Variants in PLXDC1 observed in about 807,000 individuals in gnomAD.
PLXDC1 encodes the protein plexin domain containing 1.
A neutral mutation model predicts 61.3 loss-of-function variants in PLXDC1; 39 were observed. The observed-to-expected ratio is 0.64, with a 90% confidence interval of 0.49 to 0.83. PLXDC1 has a LOEUF of 0.83. PLXDC1 is among the 40% of genes least tolerant of loss of function. The pLI is 0.00. For missense variants in PLXDC1, 596 were observed against 666.5 expected, an observed-to-expected ratio of 0.89 and a Z score of 1.17; for synonymous variants, 212 against 254.5, an observed-to-expected ratio of 0.83 and a Z score of 1.59.
intron 2 of PLXDC1, among the ~76,000 whole-genome samples, chr17:39,128,044 GCT>G (rs36178620): frequency 0.57 from 53,025 of 93,744 alleles, 16,521 homozygotes; most frequent in Middle Eastern, 0.71. Flanking sequence ...CACTAGGACA[GCT>G]CTCTCTCTCT....
At chr17:39,128,330 G>A (rs554137187) in intron 2 of PLXDC1, among the ~76,000 whole-genome samples, 1 of 151,312 alleles carries the variant, frequency 6.6e-6, no homozygotes, top group African/African-American at 2.4e-5. Context: ...CGATTCTCCT[G>A]CCTCAGCCTC....
intron 2 of PLXDC1, among the ~76,000 whole-genome samples, chr17:39,128,434 G>T (rs1911424558): frequency 6.6e-6 from 1 of 151,062 alleles, no homozygotes. Flanking sequence ...TGGCCAGGGT[G>T]GTCTCAAACT....
At chr17:39,108,568 T>C (rs1910679271) in intron 4 of PLXDC1, 1 of 504,762 alleles carries the variant, frequency 2.0e-6, no homozygotes, top group African/African-American at 1.9e-5. Context: ...GACAGGTGCC[T>C]CCTATCAACA....
intron 7 of PLXDC1, among the ~76,000 whole-genome samples, chr17:39,104,970 C>T (rs899116735): frequency 1.3e-5 from 2 of 152,168 alleles, no homozygotes; most frequent in African/African-American, 2.4e-5. Flanking sequence ...TTTCACAGAA[C>T]GGCGGTACCT....
chr17:39,146,344 T>A (rs1411127315), intron 1 of PLXDC1, among the ~76,000 whole-genome samples: 1 of 152,058 alleles, frequency 6.6e-6, no homozygotes, highest in Admixed American at 6.5e-5. Context: ...GTGCTGGGAT[T>A]ATAGGCATGA....
At chr17:39,078,135 T>C in intron 10 of PLXDC1, 87 bp from the exon 11 acceptor site, 1 of 1,297,674 alleles carries the variant, frequency 7.7e-7, no homozygotes, top group Non-Finnish European at 1.1e-6. Flanking sequence ...GGGCAATTTA[T>C]CTGTCAGCTG....
intron 7 of PLXDC1, among the ~76,000 whole-genome samples, chr17:39,102,780 G>C (rs757688095): frequency 6.6e-6 from 1 of 151,070 alleles, no homozygotes; most frequent in African/African-American, 2.4e-5. Context: ...AGATAACCCA[G>C]AACACTGGTT....
intron 8 of PLXDC1, among the ~76,000 whole-genome samples, chr17:39,084,938 G>A (rs552578011): frequency 4.6e-5 from 7 of 152,312 alleles, no homozygotes; most frequent in South Asian, 4.1e-4. Context: ...CACAAAGCCC[G>A]TATATTTGAT....
chr17:39,129,294 G>T (rs1911454465), intron 2 of PLXDC1, among the ~76,000 whole-genome samples: 1 of 148,526 alleles, frequency 6.7e-6, no homozygotes, highest in South Asian at 2.2e-4. Flanking sequence ...CTCCAGCCTG[G>T]GCGACAGAGC....
At chr17:39,079,246 G>T in intron 9 of PLXDC1, 82 bp from the exon 10 acceptor site, 2 of 1,227,924 alleles carry the variant, frequency 1.6e-6, no homozygotes, top group Non-Finnish European at 2.4e-6. Flanking sequence ...ACAGCTCTCT[G>T]CTGATAGTGA....
chr17:39,115,334 C>T (rs973993757), intron 2 of PLXDC1, among the ~76,000 whole-genome samples: 6 of 152,256 alleles, frequency 3.9e-5, no homozygotes, highest in Admixed American at 6.5e-5. Flanking sequence ...CGAAGCCTAA[C>T]GATGCCCTAC....
intron 1 of PLXDC1, among the ~76,000 whole-genome samples, chr17:39,145,285 T>C (rs1290473180): frequency 2.0e-5 from 3 of 152,098 alleles, no homozygotes; most frequent in African/African-American, 7.2e-5. Context: ...AGCCCAGCAG[T>C]AGCGTCCCAG....
At chr17:39,124,711 A>G (rs1326641180) in intron 2 of PLXDC1, among the ~76,000 whole-genome samples, 1 of 152,230 alleles carries the variant, frequency 6.6e-6, no homozygotes, top group Non-Finnish European at 1.5e-5. Flanking sequence ...TGAATAGGCA[A>G]CTTCACCTCT....
At chr17:39,148,769 G>A (rs1056229670) in intron 1 of PLXDC1, among the ~76,000 whole-genome samples, 1 of 151,612 alleles carries the variant, frequency 6.6e-6, no homozygotes, top group African/African-American at 2.4e-5. Flanking sequence ...TCACTATTTT[G>A]CCCAGGCTGG....
chr17:39,096,883 G>A, intron 7 of PLXDC1: 1 of 471,190 alleles, frequency 2.1e-6, no homozygotes, highest in Non-Finnish European at 4.4e-6. Context: ...ACACTGTCCT[G>A]TGTGTTTTGA....
chr17:39,106,048 C>G lies in PLXDC1; in HGVS notation c.712-95G>C. On this transcript the variant is annotated intron_variant, in intron 6 of 13. Coordinates refer to ENST00000315392, the MANE Select transcript of PLXDC1 (RefSeq NM_020405.5). ...GCTCCAGACCCATCTTTCTGGATGG[C>G]ACCACCTCCTGGAGGACTCCAAGAC... is the stretch of plus-strand genomic sequence containing the variant. 4 of 781,486 alleles carry G rather than the reference C, an allele frequency of 5.1e-6. No individual in the cohort carries two copies. The South Asian group carries it at 5.1e-5, about 10-fold the overall frequency. The allele number at this position is 781,486 out of a possible 1,614,324, so 48.4% of individuals were successfully genotyped here.
intron 7 of PLXDC1, 56 bp downstream of exon 7, chr17:39,105,798 A>G: frequency 9.0e-7 from 1 of 1,109,274 alleles, no homozygotes; most frequent in Non-Finnish European, 1.4e-6. Flanking sequence ...GCTCAGGTTC[A>G]GTCTGAGCGG....
chr17:39,122,777 G>A (rs1911205509), intron 2 of PLXDC1, among the ~76,000 whole-genome samples: 1 of 152,230 alleles, frequency 6.6e-6, no homozygotes, highest in South Asian at 2.1e-4. Context: ...CTTGAAATGT[G>A]TGCAAGAAGC....
At chr17:39,135,759 A>T (rs996295446) in intron 2 of PLXDC1, among the ~76,000 whole-genome samples, 1 of 152,038 alleles carries the variant, frequency 6.6e-6, no homozygotes, top group Non-Finnish European at 1.5e-5. Context: ...CGCCAGGAAC[A>T]CATGGGGAAC....
Sources: allele counts gnomAD v4.1 joint callset (sites outside exome capture counted in the v4.1 genomes callset), GRCh38; gene constraint gnomAD v4.1.1; transcripts MANE v1.5; gene names NCBI Gene and HGNC (gene_info 2026-07-23, HGNC 2026-07-21).